Variants in MAPK10 observed in about 807,000 individuals in gnomAD.
The protein encoded by MAPK10 is mitogen-activated protein kinase 10, also known as JNK3 alpha protein kinase.
Under a neutral mutation model 59.3 loss-of-function variants are expected in MAPK10, and 25 were observed. That is an observed-to-expected ratio of 0.42 (90% CI 0.31 to 0.59). The LOEUF is 0.59. Among genes scored for constraint, MAPK10 ranks in the 20% least tolerant of loss-of-function variants. The pLI, the probability that MAPK10 is intolerant of heterozygous loss-of-function variation, is 0.15. For missense variants in MAPK10, 351 were observed against 568.9 expected, an observed-to-expected ratio of 0.62 and a Z score of 3.90; for synonymous variants, 190 against 200.5, an observed-to-expected ratio of 0.95 and a Z score of 0.44.
At chr4:86,218,605 T>G (rs913522646) in intron 2 of MAPK10, among the ~76,000 whole-genome samples, 1 of 149,964 alleles carries the variant, frequency 6.7e-6, no homozygotes, top group Admixed American at 6.6e-5. Flanking sequence ...GGCAATTAAT[T>G]TAAAAGGCAA....
intron 4 of MAPK10, among the ~76,000 whole-genome samples, chr4:86,129,684 T>C (rs1467145708): frequency 6.6e-6 from 1 of 152,140 alleles, no homozygotes; most frequent in African/African-American, 2.4e-5. Flanking sequence ...TTTTTCCTGT[T>C]GGTTGGTGTC....
chr4:86,130,554 T>C (rs983585224), intron 4 of MAPK10, among the ~76,000 whole-genome samples: 1 of 152,094 alleles, frequency 6.6e-6, no homozygotes, highest in Non-Finnish European at 1.5e-5. Flanking sequence ...CCAAATGAAA[T>C]GTGGTCTAAT....
intron 4 of MAPK10, among the ~76,000 whole-genome samples, chr4:86,140,511 C>T (rs1202096103): frequency 1.6e-5 from 2 of 123,052 alleles, no homozygotes; most frequent in Non-Finnish European, 3.1e-5. Context: ...GGAAGGGGAA[C>T]ATCACACTCT....
At chr4:86,352,019 C>T (rs1353386885) in intron 2 of MAPK10, 1 of 152,092 alleles carries the variant, frequency 6.6e-6, no homozygotes, top group Non-Finnish European at 1.5e-5. Flanking sequence ...TATGTATCTA[C>T]CTGATTAGCA....
At chr4:86,052,361 T>A (rs2043727488) in intron 11 of MAPK10, among the ~76,000 whole-genome samples, 1 of 152,126 alleles carries the variant, frequency 6.6e-6, no homozygotes, top group Non-Finnish European at 1.5e-5. Context: ...AAACTTTCTT[T>A]ACTAGACTCA....
intron 9 of MAPK10, among the ~76,000 whole-genome samples, chr4:86,078,756 A>T (rs2050035611): frequency 1.3e-5 from 2 of 152,080 alleles, no homozygotes; most frequent in Admixed American, 1.3e-4. Context: ...TTGGGAGGCC[A>T]AGGCGGGAGG....
intron 2 of MAPK10, among the ~76,000 whole-genome samples, chr4:86,306,378 G>A (rs756356576): frequency 3.3e-5 from 5 of 152,132 alleles, no homozygotes; most frequent in Non-Finnish European, 7.4e-5. Flanking sequence ...CATGAAAAAG[G>A]CAAATAGTAT....
rs372279022 is a variant in MAPK10, at chr4:86,474,714, G to A, written c.-263+119196C>T. On this transcript the variant is annotated intron_variant, in intron 1 of 4. Transcript: ENST00000502302. ...CTGACTAGCAGCTAATATAAAGTGA[G>A]CATTCCAGAGAAGCTTGACTGGCCA... Among the ~76,000 whole-genome samples, 40 of 152,318 alleles carry A rather than the reference G, an allele frequency of 2.6e-4. 1 individual carries two copies. The East Asian group carries it at 7.7e-3, about 29-fold the overall frequency.
rs1467849849 is a variant in MAPK10, at chr4:86,064,169, A to C, written c.1110+97T>G. 2.1e-6 allele frequency: 3 copies of C among 1,437,150 alleles called. No individual in the cohort carries two copies. In the East Asian group the frequency reaches 6.9e-5, roughly 33 times the overall value. 89.0% of individuals were successfully genotyped at this position (1,437,150 alleles called of 1,614,324 possible). ...CTTTGGACTTAGAAATTTTATAAAA[A>C]TCCATTGTGCATTCTTTAGGCTTCT... is the stretch of plus-strand genomic sequence containing the variant. On this transcript the variant is annotated intron_variant, in intron 11 of 13. Coordinates refer to ENST00000641462, the MANE Select transcript of MAPK10 (RefSeq NM_138982.4).
At chr4:86,266,699 AC>A in intron 2 of MAPK10, among the ~76,000 whole-genome samples, 1 of 152,086 alleles carries the variant, frequency 6.6e-6, no homozygotes, top group Non-Finnish European at 1.5e-5. Flanking sequence ...TCATAAATGA[AC>A]CAGAATTTTG....
chr4:86,585,893 A>T (rs1437019739), intron 1 of MAPK10, among the ~76,000 whole-genome samples: 1 of 152,204 alleles, frequency 6.6e-6, no homozygotes. Flanking sequence ...AAATGCTCTA[A>T]TTCCACCTAA....
chr4:86,011,636 G>A lies in MAPK10; in HGVS notation c.*5592C>T, dbSNP rs1393909131. On this transcript the variant is annotated 3_prime_UTR_variant, in exon 14 of 14. Coordinates refer to ENST00000641462, the MANE Select transcript of MAPK10 (RefSeq NM_138982.4). ...GAATGCAATTTCCCTTCTTATTATTGTGGGTATTTTTAGGTACCTATGCTT... is the reference window on the plus strand; with the variant it reads ...GAATGCAATTTCCCTTCTTATTATTATGGGTATTTTTAGGTACCTATGCTT... 6.6e-6 allele frequency: 1 copy of A among 152,096 alleles called. No individual in the cohort carries two copies. The highest frequency in any genetic ancestry group is 6.5e-5 in the Admixed American group (1 of 15,268). 9.4% of individuals were successfully genotyped at this position (152,096 alleles called of 1,614,324 possible).
At chr4:86,203,528 CTAAT>C (rs1219490453) in intron 2 of MAPK10, among the ~76,000 whole-genome samples, 2 of 151,138 alleles carry the variant, frequency 1.3e-5, no homozygotes, top group Non-Finnish European at 3.0e-5. Flanking sequence ...CCATGAACTA[CTAAT>C]TATTTAAAAA....
chr4:86,386,507 C>A (rs1013083179), intron 1 of MAPK10, among the ~76,000 whole-genome samples: 4 of 152,122 alleles, frequency 2.6e-5, no homozygotes, highest in African/African-American at 9.7e-5. Flanking sequence ...TCGCTTGGGT[C>A]TCTCATGAAT....
chr4:86,352,590 C>T (rs534357938), intron 2 of MAPK10, among the ~76,000 whole-genome samples: 77 of 152,118 alleles, frequency 5.1e-4, no homozygotes, highest in African/African-American at 1.8e-3. Context: ...TAGTAGCTAG[C>T]GGTTACCTAT....
At chr4:86,077,288 G>C (rs1302756317) in intron 9 of MAPK10, among the ~76,000 whole-genome samples, 1 of 152,078 alleles carries the variant, frequency 6.6e-6, no homozygotes. Flanking sequence ...TTATCAATTA[G>C]CTAATAACTT....
At chr4:86,539,934 C>T (rs780678920) in intron 1 of MAPK10, among the ~76,000 whole-genome samples, 3 of 152,060 alleles carry the variant, frequency 2.0e-5, no homozygotes, top group African/African-American at 4.8e-5. Context: ...TAAGCAAATC[C>T]GATGCAGCCC....
At chr4:86,462,497 A>C (rs1362741400) in intron 1 of MAPK10, among the ~76,000 whole-genome samples, 6 of 152,182 alleles carry the variant, frequency 3.9e-5, no homozygotes, top group African/African-American at 1.4e-4. Flanking sequence ...TGAAATAACT[A>C]TTCAAGGAAA....
At chr4:86,590,388 CTTTTT>C (rs1011785696) in intron 1 of MAPK10, among the ~76,000 whole-genome samples, 2 of 152,068 alleles carry the variant, frequency 1.3e-5, no homozygotes, top group Non-Finnish European at 2.9e-5. Context: ...CATTTATTTT[CTTTTT>C]AAGACTCTTC....
Sources: gnomAD v4.1 joint callset for allele counts (sites outside exome capture counted in the v4.1 genomes callset) on GRCh38, gnomAD v4.1.1 for gene constraint, MANE v1.5 for transcripts, NCBI Gene and HGNC (gene_info 2026-07-23, HGNC 2026-07-21) for gene names.